Variants in ARVCF observed in about 807,000 individuals in gnomAD.
The protein encoded by ARVCF is splicing regulator ARVCF.
Under a neutral mutation model 90.9 loss-of-function variants are expected in ARVCF, and 66 were observed. The observed-to-expected ratio is 0.73, with a 90% CI of 0.60 to 0.89. ARVCF has a LOEUF of 0.89. Ranked by LOEUF, ARVCF falls within the 40% of genes least tolerant of loss-of-function variation. The probability of loss-of-function intolerance (pLI) is 0.00; values close to 1 mark genes in which losing one functional copy is unlikely to be tolerated. For synonymous variants in ARVCF, 653 were observed against 603.4 expected (o/e 1.08, Z -1.21); for missense variants, 1,469 against 1,382.3 (o/e 1.06, Z -1.00).
At chr22:20,010,338 G>C (rs1251909529) in intron 2 of ARVCF, 117 bp downstream of exon 2, 1 of 152,278 alleles carries the variant, frequency 6.6e-6, no homozygotes, top group East Asian at 1.9e-4. Flanking sequence ...GAAGGACCAG[G>C]AGCACACAGT....
At chr22:19,999,214 T>C (rs1248095889) in intron 2 of ARVCF, among the ~76,000 whole-genome samples, 1 of 151,168 alleles carries the variant, frequency 6.6e-6, no homozygotes, top group Non-Finnish European at 1.5e-5. Context: ...ACCAGGCACC[T>C]GGCAGCTCCC....
chr22:20,009,617 C>A (rs1044851260), intron 2 of ARVCF, among the ~76,000 whole-genome samples: 1 of 152,218 alleles, frequency 6.6e-6, no homozygotes, highest in Non-Finnish European at 1.5e-5. Flanking sequence ...TAAGCCATCA[C>A]CCACTCTGCT....
At chr22:19,977,075 C>A (rs1020361249) in intron 9 of ARVCF, among the ~76,000 whole-genome samples, 5 of 152,218 alleles carry the variant, frequency 3.3e-5, no homozygotes, top group Admixed American at 6.5e-5. Flanking sequence ...TACAGCTATT[C>A]TGTGAACAGT....
chr22:19,966,450 A>AAG (rs1241702081), downstream of ARVCF, among the ~76,000 whole-genome samples: 1 of 151,390 alleles, frequency 6.6e-6, no homozygotes, highest in African/African-American at 2.4e-5. Context: ...AAAAAAAAAA[A>AAG]AAAAAGAAAA....
Position 19,972,344 on chromosome 22 carries a change from G to C in ARVCF, c.2695+14C>G. The stretch of plus-strand genomic sequence containing the variant: ...CCCGGCACAGAAAACCAACCACACT[G>C]CATCTGCACTCACCTGGGCCCAGCG... On this transcript the variant is annotated intron_variant, in intron 17 of 19. Transcript: ENST00000263207. 6.2e-7 allele frequency: 1 copy of C among 1,613,704 alleles called. No homozygotes were observed. Among genetic ancestry groups the C allele is most frequent in the African/African-American group, 1.3e-5 (1 of 75,050 alleles).
chr22:19,985,654 G>T (rs770131864), intron 3 of ARVCF, among the ~76,000 whole-genome samples: 4 of 152,258 alleles, frequency 2.6e-5, no homozygotes, highest in Non-Finnish European at 5.9e-5. Flanking sequence ...GGATGCTGGG[G>T]CACAGGTGGC....
intron 9 of ARVCF, 125 bp downstream of exon 9, chr22:19,977,290 T>C: frequency 7.7e-7 from 1 of 1,305,452 alleles, no homozygotes; most frequent in Non-Finnish European, 1.0e-6. Flanking sequence ...CTTCCCTGCC[T>C]GCCTGTTGGG....
rs200737383 is a variant in ARVCF at position 19,978,043 on chromosome 22, C to T, written c.1613G>A (p.Arg538Gln). ...CAGCCCTTCACACTCCCGGAGTCGC[C>T]GCCGGGCCTCAGCACCATCGGAGCT... Reference protein sequence around the residue: ...NVSSDGAEARRRLRECEGLVD... With the variant: ...NVSSDGAEARQRLRECEGLVD... The change falls in exon 8 of 20, where the codon CGG becomes CAG. Residue 538 changes from arginine (R) to glutamine (Q), a missense_variant. Transcript: ENST00000263207. 5.3e-5 allele frequency: 85 copies of T among 1,611,176 alleles called. No individual in the cohort carries two copies. The highest frequency in any genetic ancestry group is 6.5e-5 in the Non-Finnish European group (77 of 1,179,148).
intron 6 of ARVCF, 132 bp from the exon 7 acceptor site, chr22:19,979,212 G>A (rs1350342168): frequency 9.9e-7 from 1 of 1,013,760 alleles, no homozygotes; most frequent in African/African-American, 1.6e-5. Context: ...AGTAACAAAA[G>A]CCGTGAGTGG....
intron 3 of ARVCF, among the ~76,000 whole-genome samples, chr22:19,987,921 A>G (rs2238786): frequency 0.25 from 38,398 of 152,062 alleles, 5,234 homozygotes; most frequent in South Asian, 0.33. Flanking sequence ...GTTCTGCTGC[A>G]GTGAAAAATG....
At chr22:19,995,739 T>C (rs1200763794) in intron 2 of ARVCF, among the ~76,000 whole-genome samples, 1 of 152,150 alleles carries the variant, frequency 6.6e-6, no homozygotes, top group Non-Finnish European at 1.5e-5. Context: ...GCTCCCATCC[T>C]GACCCCTTGC....
chr22:19,981,366 G>T lies in ARVCF; in HGVS notation c.741C>A (p.Gly247=), dbSNP rs766919161. Residue 247 remains glycine, a synonymous_variant, in exon 5 of 20, where the codon GGC becomes GGA. Coordinates refer to ENST00000263207, the MANE Select transcript of ARVCF (RefSeq NM_001670.3). Reference sequence around the variant, plus strand: ...CCTGGAAGCGCTCGGGCAGGGAGCGGCCACCTGGTGGCCCAGGCTCAGGAC... The same window carrying T: ...CCTGGAAGCGCTCGGGCAGGGAGCGTCCACCTGGTGGCCCAGGCTCAGGAC... The part of the protein sequence containing the change: ...PVGPEPGPPG[G]RSLPERFQAE... 1.2e-4 allele frequency: 189 copies of T among 1,603,394 alleles called. No individual in the cohort carries two copies. The highest frequency in any genetic ancestry group is 1.1e-5 in the Non-Finnish European group (13 of 1,176,358).
downstream of ARVCF, chr22:19,967,459 C>A: frequency 2.2e-6 from 1 of 459,444 alleles, no homozygotes; most frequent in South Asian, 1.6e-5. Context: ...CAACTCCGGA[C>A]CTTGGGGCTG....
chr22:19,970,490 G>A lies in ARVCF; in HGVS notation c.*266C>T. 1 of 1,095,600 alleles carries A rather than the reference G, an allele frequency of 9.1e-7. No individual in the cohort carries two copies. Among genetic ancestry groups the A allele is most frequent in the South Asian group, 2.0e-5 (1 of 49,074 alleles). 67.9% of individuals were successfully genotyped at this position (1,095,600 alleles called of 1,614,324 possible). On this transcript the variant is annotated 3_prime_UTR_variant, in exon 20 of 20. Transcript: ENST00000263207. ...GGGCCCTGCCCCAGCAGCCCAGTCGGCCTCCTCGGGCCTTCTGTCACTCGC... is the reference window on the plus strand; with the variant it reads ...GGGCCCTGCCCCAGCAGCCCAGTCGACCTCCTCGGGCCTTCTGTCACTCGC...
chr22:19,983,459 C>T (rs1374231693), intron 3 of ARVCF, among the ~76,000 whole-genome samples: 2 of 152,202 alleles, frequency 1.3e-5, no homozygotes, highest in African/African-American at 2.4e-5. Flanking sequence ...AGGGTCCTAT[C>T]CTGGGGGAAT....
chr22:19,993,081 G>A (rs1488045390), intron 2 of ARVCF, among the ~76,000 whole-genome samples: 1 of 152,218 alleles, frequency 6.6e-6, no homozygotes, highest in Non-Finnish European at 1.5e-5. Context: ...ATGCTCAGGA[G>A]AGCAGAGACC....
chr22:19,968,490 G>A, downstream of ARVCF: 1 of 1,581,792 alleles, frequency 6.3e-7, no homozygotes, highest in South Asian at 1.1e-5. Flanking sequence ...CAGGTTCTCT[G>A]GGCACCTCTG....
rs763556649 is a variant in ARVCF, at chr22:19,970,438, C to G, written c.*318G>C. ...CTATCCCACCAGCCCCAAAGCCCAG[C>G]CAGGCACCCTTCCCTGCCACCTCCC... is the stretch of plus-strand genomic sequence containing the variant. On this transcript the variant is annotated 3_prime_UTR_variant, in exon 20 of 20. Coordinates refer to ENST00000263207, the MANE Select transcript of ARVCF (RefSeq NM_001670.3). The G allele has an allele frequency of 4.1e-5, 45 of 1,094,178 alleles. No homozygotes were observed. The highest frequency in any genetic ancestry group is 4.7e-5 in the Non-Finnish European group (42 of 889,314). 67.8% of individuals were successfully genotyped at this position (1,094,178 alleles called of 1,614,324 possible). A position where few individuals can be genotyped will look rare whatever the true frequency, so the allele number is the denominator to read the frequency against.
chr22:20,011,963 C>T (rs2531696), intron 1 of ARVCF, among the ~76,000 whole-genome samples: 49,558 of 151,866 alleles, frequency 0.33, 8,505 homozygotes, highest in Middle Eastern at 0.39. Context: ...CTGACTCTAC[C>T]AGGTGTCTCA....
Sources: gnomAD v4.1 joint callset for allele counts (sites outside exome capture counted in the v4.1 genomes callset) on GRCh38, gnomAD v4.1.1 for gene constraint, MANE v1.5 for transcripts, NCBI Gene and HGNC (gene_info 2026-07-23, HGNC 2026-07-21) for gene names.